Variants in ADGRL3 observed in about 807,000 individuals in gnomAD.
The protein encoded by ADGRL3 is adhesion G protein-coupled receptor L3, also known as calcium-independent alpha-latrotoxin receptor 3.
A neutral mutation model predicts 153.5 loss-of-function variants in ADGRL3; 62 were observed. The observed-to-expected ratio is 0.40, with a 90% confidence interval of 0.33 to 0.50. The LOEUF (loss-of-function observed/expected upper bound fraction) is 0.50. Ranked by LOEUF, ADGRL3 falls within the 20% of genes least tolerant of loss-of-function variation. The pLI, the probability that ADGRL3 is intolerant of heterozygous loss-of-function variation, is 0.47. For missense variants in ADGRL3, 1,641 were observed against 1,859.4 expected, an observed-to-expected ratio of 0.88 and a Z score of 2.16; for synonymous variants, 710 against 672.5, an observed-to-expected ratio of 1.06 and a Z score of -0.86.
At chr4:61,879,154 T>A (rs2149465406) in intron 9 of ADGRL3, among the ~76,000 whole-genome samples, 1 of 152,318 alleles carries the variant, frequency 6.6e-6, no homozygotes, top group African/African-American at 2.4e-5. Context: ...TGAATTTGAT[T>A]ATAATGTTAC....
intron 2 of ADGRL3, among the ~76,000 whole-genome samples, chr4:61,476,268 A>G (rs1465961819): frequency 6.6e-6 from 1 of 152,032 alleles, no homozygotes; most frequent in African/African-American, 2.4e-5. Flanking sequence ...TTTGTCGCCC[A>G]GGCTGGAGTG....
At chr4:61,503,268 G>A (rs1027684673) in intron 3 of ADGRL3, among the ~76,000 whole-genome samples, 8 of 152,088 alleles carry the variant, frequency 5.3e-5, no homozygotes, top group African/African-American at 1.9e-4. Context: ...TTTAATTGTA[G>A]TAATAATCTA....
At chr4:61,606,928 A>G (rs540809202) in intron 5 of ADGRL3, among the ~76,000 whole-genome samples, 20 of 152,214 alleles carry the variant, frequency 1.3e-4, no homozygotes, top group African/African-American at 4.8e-4. Flanking sequence ...ATTGAGAGAA[A>G]ACCATAGTGT....
chr4:61,601,015 G>A (rs890749704), intron 5 of ADGRL3, among the ~76,000 whole-genome samples: 2 of 151,940 alleles, frequency 1.3e-5, no homozygotes, highest in South Asian at 2.1e-4. Context: ...TTATTTGGGG[G>A]CATTCAGTCT....
intron 3 of ADGRL3, among the ~76,000 whole-genome samples, chr4:61,502,241 GTAACTA>G (rs2098394165): frequency 6.6e-6 from 1 of 152,044 alleles, no homozygotes; most frequent in Admixed American, 6.6e-5. Context: ...TTCCTGGGAG[GTAACTA>G]CACCTAAGCC....
intron 1 of ADGRL3, among the ~76,000 whole-genome samples, chr4:61,293,628 A>G (rs1385559780): frequency 6.6e-6 from 1 of 152,186 alleles, no homozygotes; most frequent in Non-Finnish European, 1.5e-5. Context: ...ATCAGAAATT[A>G]ATAGATTCAG....
At chr4:61,534,436 G>A (rs970396319) in intron 4 of ADGRL3, among the ~76,000 whole-genome samples, 12 of 151,992 alleles carry the variant, frequency 7.9e-5, no homozygotes, top group African/African-American at 1.2e-4. Context: ...TTTTGATTCC[G>A]TATAAATTTT....
chr4:62,068,049 T>C, intron 25 of ADGRL3, 117 bp from the exon 26 acceptor site: 1 of 577,282 alleles, frequency 1.7e-6, no homozygotes. Context: ...GTGGAAATTA[T>C]TTCCTTTGAC....
chr4:61,746,000 A>G (rs1251772338), intron 8 of ADGRL3, among the ~76,000 whole-genome samples: 2 of 152,206 alleles, frequency 1.3e-5, no homozygotes, highest in African/African-American at 2.4e-5. Context: ...TCAAAATAAA[A>G]GGATGGAGGA....
intron 1 of ADGRL3, among the ~76,000 whole-genome samples, chr4:61,289,461 C>T (rs911421849): frequency 1.3e-4 from 19 of 151,676 alleles, no homozygotes; most frequent in Admixed American, 8.6e-4. Flanking sequence ...TAACATACTG[C>T]GTAGTAGATT....
chr4:61,532,068 G>A (rs1343681858), intron 4 of ADGRL3, among the ~76,000 whole-genome samples: 2 of 152,128 alleles, frequency 1.3e-5, no homozygotes, highest in Non-Finnish European at 2.9e-5. Flanking sequence ...AAGCTAAAAT[G>A]AAATATTTGA....
chr4:61,517,645 G>T (rs2098505462), intron 4 of ADGRL3, 127 bp downstream of exon 4: 3 of 630,022 alleles, frequency 4.8e-6, no homozygotes, highest in Admixed American at 2.4e-5. Context: ...TTTTGTGGCT[G>T]ATATTACCAC....
intron 6 of ADGRL3, among the ~76,000 whole-genome samples, chr4:61,688,222 C>G (rs2095479880): frequency 6.6e-6 from 1 of 152,026 alleles, no homozygotes; most frequent in Admixed American, 6.6e-5. Context: ...AAATAAGTGG[C>G]TGTTTCTTAG....
intron 6 of ADGRL3, among the ~76,000 whole-genome samples, chr4:61,689,864 G>T (rs2095508049): frequency 6.6e-6 from 1 of 151,990 alleles, no homozygotes; most frequent in Non-Finnish European, 1.5e-5. Flanking sequence ...ACCTATGATT[G>T]GTTCTCAAAC....
At chr4:61,752,572 A>C (rs2096770425) in intron 8 of ADGRL3, among the ~76,000 whole-genome samples, 1 of 152,118 alleles carries the variant, frequency 6.6e-6, no homozygotes, top group African/African-American at 2.4e-5. Context: ...TGATGGTCTT[A>C]TGTTCTGCTT....
At chr4:62,040,546 T>A (rs1727692153) in intron 24 of ADGRL3, among the ~76,000 whole-genome samples, 1 of 152,056 alleles carries the variant, frequency 6.6e-6, no homozygotes, top group Admixed American at 6.6e-5. Context: ...TGGATGCATC[T>A]TTCACATAAG....
chr4:61,392,647 C>T (rs79052379), intron 2 of ADGRL3, among the ~76,000 whole-genome samples: 3,874 of 117,888 alleles, frequency 0.033, 200 homozygotes, highest in East Asian at 0.24. Context: ...GATTGCGCCA[C>T]TGCGCTCCAG....
intron 7 of ADGRL3, among the ~76,000 whole-genome samples, chr4:61,731,739 T>A (rs570510662): frequency 2.4e-4 from 37 of 152,258 alleles, no homozygotes; most frequent in African/African-American, 8.9e-4. Context: ...GGATCCCTTT[T>A]TCCTTTCTGT....
At position 61,813,829 on chromosome 4, in the gene ADGRL3, G is replaced by A. The variant is rs1561294113; in HGVS notation, c.1420G>A (p.Val474Ile). The stretch of plus-strand genomic sequence containing the variant: ...CACAGGGCAGGCACATCATGGACAA[G>A]TTTCATACATTTCTCCGCCAATTCA... Reference protein sequence around the residue: ...SRSGQAHHGQVSYISPPIHLD... With the variant: ...SRSGQAHHGQISYISPPIHLD... Residue 474 changes from valine to isoleucine, a missense_variant, in exon 9 of 27, where the codon GTT becomes ATT. Coordinates refer to ENST00000683033, the MANE Select transcript of ADGRL3 (RefSeq NM_001387552.1). 1.9e-6 allele frequency: 3 copies of A among 1,576,414 alleles called. No individual in the cohort carries two copies. Among genetic ancestry groups the A allele is most frequent in the Non-Finnish European group, 2.6e-6 (3 of 1,145,828 alleles).
Sources: gnomAD v4.1 joint callset for allele counts (sites outside exome capture counted in the v4.1 genomes callset) on GRCh38, gnomAD v4.1.1 for gene constraint, MANE v1.5 for transcripts, NCBI Gene and HGNC (gene_info 2026-07-23, HGNC 2026-07-21) for gene names.